MOCOS: variants seen among roughly 807,000 people sequenced by gnomAD.
MOCOS encodes molybdenum cofactor sulfurase, also known as human molybdenum cofactor sulfurase.
In MOCOS, 86 loss-of-function variants were observed where a neutral mutation model predicts 83.6. That is an observed-to-expected ratio of 1.03 (90% confidence interval 0.86 to 1.23). The LOEUF is 1.23. Among genes scored for constraint, MOCOS ranks in the 50% most tolerant of loss-of-function variants. MOCOS has a pLI of 0.00. For missense variants in MOCOS, 1,120 were observed against 1,126.9 expected (o/e 0.99, Z 0.09); for synonymous variants, 445 against 434.7 (o/e 1.02, Z -0.29).
At chr18:36,198,449 A>G (rs1173510738) in intron 2 of MOCOS, among the ~76,000 whole-genome samples, 1 of 152,186 alleles carries the variant, frequency 6.6e-6, no homozygotes, top group African/African-American at 2.4e-5. Context: ...TCACCCATTG[A>G]TGGACATTTA....
At chr18:36,231,674 C>T (rs193188881) in intron 9 of MOCOS, among the ~76,000 whole-genome samples, 74 of 152,246 alleles carry the variant, frequency 4.9e-4, no homozygotes, top group Non-Finnish European at 5.3e-4. Context: ...ACAGAATGAG[C>T]CTTCATGCTT....
At chr18:36,231,483 T>C (rs2091537516) in intron 9 of MOCOS, among the ~76,000 whole-genome samples, 1 of 152,250 alleles carries the variant, frequency 6.6e-6, no homozygotes, top group African/African-American at 2.4e-5. Flanking sequence ...TTTATATATA[T>C]GATGTGTATA....
chr18:36,192,104 T>C (rs2091368313), intron 1 of MOCOS, among the ~76,000 whole-genome samples: 1 of 152,226 alleles, frequency 6.6e-6, no homozygotes, highest in Non-Finnish European at 1.5e-5. Flanking sequence ...TACTGAAGGC[T>C]CTAGCCAGGG....
At chr18:36,202,210 T>G (rs556560665) in intron 4 of MOCOS, among the ~76,000 whole-genome samples, 1 of 152,366 alleles carries the variant, frequency 6.6e-6, no homozygotes, top group South Asian at 2.1e-4. Context: ...TTCTCAACTT[T>G]ATTTTATAAC....
chr18:36,236,039 T>G (rs1206173643), intron 9 of MOCOS, among the ~76,000 whole-genome samples: 3 of 140,294 alleles, frequency 2.1e-5, no homozygotes, highest in Non-Finnish European at 1.6e-5. Context: ...TAGCCCTTTG[T>G]CAGATGAGTA....
chr18:36,200,109 C>T lies in MOCOS; in HGVS notation c.726C>T (p.Tyr242=), dbSNP rs61739904. The T allele has an allele frequency of 1.9e-4, 312 of 1,614,218 alleles. No homozygotes were observed. Among genetic ancestry groups the T allele is most frequent in the African/African-American group, 5.2e-4 (39 of 75,056 alleles). The change falls in exon 4 of 15, where the codon TAC becomes TAT. Residue 242 remains tyrosine, a synonymous_variant. Coordinates refer to ENST00000261326, the MANE Select transcript of MOCOS (RefSeq NM_017947.4). ...KWFVLLDAAS[Y]VSTSPLDLSA... is the part of the protein sequence containing the mutation. ...TTGTGCTGCTGGATGCAGCCTCCTA[C>T]GTGAGCACCTCGCCTTTGGACCTGT...
At chr18:36,259,065 C>G (rs2091652731) in intron 12 of MOCOS, among the ~76,000 whole-genome samples, 1 of 114,866 alleles carries the variant, frequency 8.7e-6, no homozygotes, top group Admixed American at 1.1e-4. Context: ...ATTTTCAGTG[C>G]GTTCTTCTGG....
rs57806239 is a variant in MOCOS at position 36,199,138 on chromosome 18, CCTGT to C, written c.299+385_299+388del. On this transcript the variant is annotated intron_variant, in intron 3 of 14. Coordinates refer to ENST00000261326, the MANE Select transcript of MOCOS (RefSeq NM_017947.4). ...GTTTTATTAGGCAACTTGTTTTCTT[CCTGT>C]CTTTTTTCCCTTTTCCCCCCTTTTT... Among the ~76,000 whole-genome samples, 1,214 of 152,240 alleles carry C rather than the reference CCTGT, an allele frequency of 8.0e-3. 23 individuals are homozygous for C. Among genetic ancestry groups the C allele is most frequent in the African/African-American group, 0.026 (1,100 of 41,538 alleles).
At chr18:36,208,135 C>T (rs940904713) in intron 6 of MOCOS, among the ~76,000 whole-genome samples, 3 of 152,042 alleles carry the variant, frequency 2.0e-5, no homozygotes, top group African/African-American at 7.2e-5. Context: ...GGTTCTCTAA[C>T]CTTTTCCGTT....
chr18:36,251,119 A>G lies in MOCOS; in HGVS notation c.2040-40A>G, dbSNP rs775018901. 4.4e-6 allele frequency: 7 copies of G among 1,589,118 alleles called. No homozygotes were observed. In the East Asian group the frequency reaches 1.3e-4, roughly 30 times the overall value. ...AATTCAGATTATTATTTAAATAAAT[A>G]CTATGTAACAGTTCACTCTTTCTCT... On this transcript the variant is annotated intron_variant, in intron 10 of 14. Coordinates refer to ENST00000261326, the MANE Select transcript of MOCOS (RefSeq NM_017947.4).
chr18:36,264,092 T>C (rs907138805), intron 13 of MOCOS, among the ~76,000 whole-genome samples: 5 of 152,018 alleles, frequency 3.3e-5, no homozygotes, highest in Non-Finnish European at 7.4e-5. Flanking sequence ...GGAGAATCGC[T>C]TGAACACAGG....
intron 9 of MOCOS, among the ~76,000 whole-genome samples, chr18:36,234,338 G>GT (rs1194794435): frequency 6.6e-6 from 1 of 152,146 alleles, no homozygotes; most frequent in Non-Finnish European, 1.5e-5. Context: ...TCAGTTGGCT[G>GT]TAAGTATTTG....
chr18:36,196,189 G>T (rs1326057700), intron 2 of MOCOS, among the ~76,000 whole-genome samples: 2 of 152,196 alleles, frequency 1.3e-5, no homozygotes, highest in Non-Finnish European at 2.9e-5. Context: ...GCATTTATTT[G>T]CAGCACAACA....
chr18:36,247,501 C>G (rs558426104), intron 9 of MOCOS, among the ~76,000 whole-genome samples: 2 of 152,304 alleles, frequency 1.3e-5, no homozygotes, highest in East Asian at 3.9e-4. Flanking sequence ...CTTCCCTTCC[C>G]CAAGAACCCC....
chr18:36,233,966 T>G (rs979560143), intron 9 of MOCOS, among the ~76,000 whole-genome samples: 2 of 152,224 alleles, frequency 1.3e-5, no homozygotes, highest in Non-Finnish European at 2.9e-5. Flanking sequence ...TTGCAAATAT[T>G]CTCTCTCACT....
At position 36,199,811 on chromosome 18, in the gene MOCOS, G is replaced by A. The variant is rs1477458848; in HGVS notation, c.428G>A (p.Ser143Asn). The A allele has an allele frequency of 6.2e-7, 1 of 1,614,170 alleles. No individual in the cohort carries two copies. ...WVSQGPESSGSRFCYLTDSHT... is the reference protein window; with the variant it reads ...WVSQGPESSGNRFCYLTDSHT... Reference sequence around the variant, plus strand: ...TCCCAGGGCCCAGAGAGCAGTGGGAGTCGCTTCTGTTACCTCACCGACAGC... The same window carrying A: ...TCCCAGGGCCCAGAGAGCAGTGGGAATCGCTTCTGTTACCTCACCGACAGC... The change falls in exon 4 of 15, where the codon AGT (serine) becomes AAT (asparagine). Residue 143 changes from serine to asparagine, a missense_variant. Ser to Asn is a conservative substitution (Grantham distance 46, BLOSUM62 1). Transcript: ENST00000261326.
intron 1 of MOCOS, among the ~76,000 whole-genome samples, chr18:36,188,452 C>T (rs2091351218): frequency 6.6e-6 from 1 of 152,234 alleles, no homozygotes; most frequent in Non-Finnish European, 1.5e-5. Context: ...CAGCCCTCTG[C>T]TGCCAGGGCC....
At position 36,198,425 on chromosome 18, in the gene MOCOS, T is replaced by C. The variant is rs116526029; in HGVS notation, c.233-265T>C. Among the ~76,000 whole-genome samples, 916 of 152,288 alleles carry C rather than the reference T, an allele frequency of 6.0e-3. 5 individuals carry two copies. The highest frequency in any genetic ancestry group is 0.021 in the African/African-American group (869 of 41,554). On this transcript the variant is annotated intron_variant, in intron 2 of 14. Transcript: ENST00000261326. ...CTTTTTATTTTATGGATGTAGCATA[T>C]TTTGTTTATCTGTTCACCCATTGAT...
intron 9 of MOCOS, among the ~76,000 whole-genome samples, chr18:36,234,443 T>G (rs2091549991): frequency 6.6e-6 from 1 of 152,212 alleles, no homozygotes; most frequent in Non-Finnish European, 1.5e-5. Context: ...CCTTGTATTA[T>G]AGTTTGAAGT....
Sources: allele counts gnomAD v4.1 joint callset (sites outside exome capture counted in the v4.1 genomes callset), GRCh38; gene constraint gnomAD v4.1.1; transcripts MANE v1.5; gene names NCBI Gene and HGNC (gene_info 2026-07-23, HGNC 2026-07-21).